The following SLC25A26 variants were observed in gnomAD, a reference collection of about 807,000 sequenced individuals.
SLC25A26 encodes the protein mitochondrial S-adenosylmethionine carrier protein.
A neutral mutation model predicts 37.8 loss-of-function variants in SLC25A26; 36 were observed. The ratio of observed to expected loss-of-function variants is 0.95; its 90% CI spans 0.73 to 1.26. The LOEUF (loss-of-function observed/expected upper bound fraction) is 1.26, where lower values mean the gene tolerates loss of function less well. Among genes scored for constraint, SLC25A26 ranks in the 50% most tolerant of loss-of-function variants. The probability of loss-of-function intolerance (pLI) is 0.00; values close to 1 mark genes in which losing one functional copy is unlikely to be tolerated. For synonymous variants in SLC25A26, 129 were observed against 122.5 expected (o/e 1.05, Z -0.35); for missense variants, 390 against 331.1 (o/e 1.18, Z -1.38).
intron 1 of SLC25A26, among the ~76,000 whole-genome samples, chr3:66,227,721 G>T (rs1369822062): frequency 1.3e-5 from 2 of 152,120 alleles, no homozygotes; most frequent in East Asian, 3.9e-4. Context: ...TGTCATCTGG[G>T]GAGCTTTTTC....
chr3:66,243,071 GAT>G (rs1352627814), intron 2 of SLC25A26, 130 bp from the exon 3 acceptor site: 6 of 564,292 alleles, frequency 1.1e-5, no homozygotes, highest in Non-Finnish European at 1.9e-5. Flanking sequence ...AGGAAGAAAA[GAT>G]ATGTGCTTAT....
intron 1 of SLC25A26, among the ~76,000 whole-genome samples, chr3:66,146,880 G>A (rs1326128325): frequency 6.6e-6 from 1 of 151,950 alleles, no homozygotes; most frequent in Non-Finnish European, 1.5e-5. Context: ...TTATGCTTTT[G>A]CGGCCTAGTA....
At chr3:66,373,938 T>C (rs1294627078) in intron 9 of SLC25A26, among the ~76,000 whole-genome samples, 3 of 152,064 alleles carry the variant, frequency 2.0e-5, no homozygotes, top group African/African-American at 7.3e-5. Flanking sequence ...AGTCAGGTGC[T>C]GGGAGCAGCC....
At chr3:66,163,864 T>C (rs142307752) in intron 1 of SLC25A26, among the ~76,000 whole-genome samples, 1,950 of 152,354 alleles carry the variant, frequency 0.013, 45 homozygotes, top group East Asian at 0.082. Context: ...GGGATGATTT[T>C]GTGCCCCAGG....
At chr3:66,238,642 G>A (rs2072416378) in intron 2 of SLC25A26, among the ~76,000 whole-genome samples, 1 of 152,316 alleles carries the variant, frequency 6.6e-6, no homozygotes, top group African/African-American at 2.4e-5. Flanking sequence ...TGGGATTACA[G>A]GTGTGAGCCA....
chr3:66,265,311 GA>G (rs960513284), intron 5 of SLC25A26, among the ~76,000 whole-genome samples: 2 of 151,176 alleles, frequency 1.3e-5, no homozygotes, highest in Non-Finnish European at 3.0e-5. Flanking sequence ...TCTCAAAAAA[GA>G]AAAAAAATAA....
At chr3:66,164,499 A>G (rs1229017272) in intron 1 of SLC25A26, among the ~76,000 whole-genome samples, 2 of 152,014 alleles carry the variant, frequency 1.3e-5, no homozygotes, top group Non-Finnish European at 2.9e-5. Context: ...AATGCCCAAT[A>G]GGCTTTCTCT....
In SLC25A26 at chr3:66,375,011, A is replaced by G. The variant is rs147062014; in HGVS notation, c.708-2679A>G. ...TTAACCAAATTGTAAATGCAAAGGA[A>G]AAGTTCTTGAAGGAAATGAAAAGTG... On this transcript the variant is annotated intron_variant, in intron 9 of 9. Coordinates refer to ENST00000354883, the MANE Select transcript of SLC25A26 (RefSeq NM_001379210.1). Among the ~76,000 whole-genome samples the G allele has an allele frequency of 2.5e-3, 380 of 152,364 alleles. 2 individuals carry two copies. The highest frequency in any genetic ancestry group is 8.5e-3 in the African/African-American group (354 of 41,580).
intron 1 of SLC25A26, among the ~76,000 whole-genome samples, chr3:66,194,333 G>T (rs1350031123): frequency 6.6e-6 from 1 of 152,168 alleles, no homozygotes; most frequent in Non-Finnish European, 1.5e-5. Context: ...TTCAGGGGAT[G>T]GCTTGGTTTT....
chr3:66,267,091 G>A (rs1480196443), intron 5 of SLC25A26, among the ~76,000 whole-genome samples: 1 of 152,118 alleles, frequency 6.6e-6, no homozygotes, highest in Non-Finnish European at 1.5e-5. Flanking sequence ...CTTTCTGGCG[G>A]GGAAACAAAC....
chr3:66,299,046 TTGTG>T (rs937253141), intron 5 of SLC25A26, among the ~76,000 whole-genome samples: 1 of 152,100 alleles, frequency 6.6e-6, no homozygotes, highest in African/African-American at 2.4e-5. Context: ...GACCCTTGGT[TTGTG>T]TGTGTGTATG....
At chr3:66,376,382 C>A (rs1307304576) in intron 9 of SLC25A26, among the ~76,000 whole-genome samples, 2 of 149,338 alleles carry the variant, frequency 1.3e-5, no homozygotes, top group African/African-American at 5.2e-5. Context: ...AAAGAAGAGT[C>A]CATCAATGCA....
chr3:66,270,711 A>G (rs1208231881), intron 5 of SLC25A26, among the ~76,000 whole-genome samples: 1 of 152,212 alleles, frequency 6.6e-6, no homozygotes, highest in Non-Finnish European at 1.5e-5. Context: ...CTTTAATTCA[A>G]GAACCTAAAA....
At chr3:66,169,882 A>C (rs1178043241) in intron 1 of SLC25A26, among the ~76,000 whole-genome samples, 1 of 152,222 alleles carries the variant, frequency 6.6e-6, no homozygotes, top group Non-Finnish European at 1.5e-5. Flanking sequence ...AGATATCTTT[A>C]CATGTCCATG....
chr3:66,247,957 A>G (rs1000879218), intron 3 of SLC25A26, among the ~76,000 whole-genome samples: 15 of 152,232 alleles, frequency 9.9e-5, no homozygotes, highest in African/African-American at 3.1e-4. Context: ...ATAGCTGTCA[A>G]TGGTCAGAAA....
chr3:66,172,410 GAAAAA>G (rs1199322248), intron 1 of SLC25A26, among the ~76,000 whole-genome samples: 18 of 75,182 alleles, frequency 2.4e-4, no homozygotes, highest in African/African-American at 7.9e-4. Flanking sequence ...TACCTGTAAA[GAAAAA>G]AAAAAAAAAA....
intron 2 of SLC25A26, among the ~76,000 whole-genome samples, chr3:66,241,857 G>T (rs1424872776): frequency 6.6e-6 from 1 of 151,958 alleles, no homozygotes; most frequent in Non-Finnish European, 1.5e-5. Context: ...GTGAAGAGAA[G>T]ACCATGTTTA....
intron 1 of SLC25A26, among the ~76,000 whole-genome samples, chr3:66,215,288 A>C (rs1401120092): frequency 6.6e-6 from 1 of 151,928 alleles, no homozygotes; most frequent in African/African-American, 2.4e-5. Flanking sequence ...TACAGCCTTG[A>C]CCTCTTATCT....
chr3:66,371,406 T>C, intron 9 of SLC25A26: 1 of 1,494,144 alleles, frequency 6.7e-7, no homozygotes, highest in East Asian at 2.6e-5. Flanking sequence ...CTGGAGGACA[T>C]GAAGTAGGTG....
Sources: allele counts gnomAD v4.1 joint callset (sites outside exome capture counted in the v4.1 genomes callset), GRCh38; gene constraint gnomAD v4.1.1; transcripts MANE v1.5; gene names NCBI Gene and HGNC (gene_info 2026-07-23, HGNC 2026-07-21).